The following IGSF10 variants were observed in gnomAD, a reference collection of about 807,000 sequenced individuals.
IGSF10 encodes immunoglobulin superfamily member 10.
Under a neutral mutation model 128.2 loss-of-function variants are expected in IGSF10, and 126 were observed. That is an observed-to-expected ratio of 0.98 (90% CI 0.85 to 1.14). The LOEUF (loss-of-function observed/expected upper bound fraction) is 1.14, where lower values mean the gene tolerates loss of function less well. Among genes scored for constraint, IGSF10 ranks in the 50% most tolerant of loss-of-function variants. The pLI is 0.00. For synonymous variants in IGSF10, 1,185 were observed against 1,146.2 expected, an observed-to-expected ratio of 1.03 and a Z score of -0.68; for missense variants, 3,295 against 3,149.8, an observed-to-expected ratio of 1.05 and a Z score of -1.10.
chr3:151,479,929 G>C, the IGSF10 span, among the ~76,000 whole-genome samples: 3 of 151,022 alleles, frequency 2.0e-5, no homozygotes, highest in African/African-American at 7.3e-5. Context: ...GCATTGAAGA[G>C]TTAATAATCT....
At chr3:151,480,871 A>G in the IGSF10 span, among the ~76,000 whole-genome samples, 1 of 152,056 alleles carries the variant, frequency 6.6e-6, no homozygotes, top group East Asian at 1.9e-4. Flanking sequence ...CAGCCAAGGT[A>G]TCACCCCATT....
At chr3:151,567,588 G>A in the IGSF10 span, among the ~76,000 whole-genome samples, 1 of 152,038 alleles carries the variant, frequency 6.6e-6, no homozygotes, top group Non-Finnish European at 1.5e-5. Context: ...TACCTGGGAG[G>A]GTCTCTTTTA....
the IGSF10 span, among the ~76,000 whole-genome samples, chr3:151,480,298 A>G: frequency 1.7e-3 from 252 of 152,212 alleles, no homozygotes; most frequent in African/African-American, 5.9e-3. Context: ...TTCCCTCACT[A>G]CCTCCATCTT....
At chr3:151,521,046 C>CAAATG in the IGSF10 span, among the ~76,000 whole-genome samples, 1 of 151,592 alleles carries the variant, frequency 6.6e-6, no homozygotes, top group East Asian at 1.9e-4. Flanking sequence ...ATTTACCAAG[C>CAAATG]AAATGGAAAA....
At chr3:151,463,143 C>T (rs554215839), upstream of IGSF10, among the ~76,000 whole-genome samples, 1 of 152,186 alleles carries the variant, frequency 6.6e-6, no homozygotes, top group Non-Finnish European at 1.5e-5. Context: ...GTTTGCTTCT[C>T]TTAAGAATTT....
the IGSF10 span, among the ~76,000 whole-genome samples, chr3:151,486,057 T>C: frequency 6.6e-6 from 1 of 152,132 alleles, no homozygotes; most frequent in Admixed American, 6.5e-5. Flanking sequence ...AGGAGACCCA[T>C]CTCACGTGCA....
At chr3:151,601,713 G>A in the IGSF10 span, among the ~76,000 whole-genome samples, 1 of 117,228 alleles carries the variant, frequency 8.5e-6, no homozygotes, top group Non-Finnish European at 1.9e-5. Flanking sequence ...ATAAGTTGTT[G>A]AAAAATTACA....
the IGSF10 span, among the ~76,000 whole-genome samples, chr3:151,587,309 G>C: frequency 1.3e-5 from 2 of 152,078 alleles, no homozygotes; most frequent in African/African-American, 4.8e-5. Flanking sequence ...AAACCATACT[G>C]TTTGGTGGTT....
chr3:151,499,818 G>A, the IGSF10 span: 1 of 152,018 alleles, frequency 6.6e-6, no homozygotes, highest in African/African-American at 2.4e-5. Flanking sequence ...GGCCCTGCAG[G>A]CAAAGAAATG....
At chr3:151,442,865 C>T (rs1720941129) in intron 7 of IGSF10, 119 bp downstream of exon 7, 2 of 741,184 alleles carry the variant, frequency 2.7e-6, no homozygotes, top group Non-Finnish European at 4.0e-6. Flanking sequence ...TCCTTTATGT[C>T]CAAAGTCTAT....
upstream of IGSF10, chr3:151,461,110 CGCGGCCGGGGCTCAGCAGCACAAGGAT>C (rs1722039164): frequency 6.1e-6 from 6 of 985,214 alleles, no homozygotes; most frequent in South Asian, 2.3e-4. Flanking sequence ...TGTCTGGGGA[CGCGGCCGGGGCTCAGCAGCACAAGGAT>C]GAGAAACGAC....
At chr3:151,502,867 C>T in the IGSF10 span, among the ~76,000 whole-genome samples, 5 of 152,136 alleles carry the variant, frequency 3.3e-5, no homozygotes, top group South Asian at 4.1e-4. Context: ...AAGGTGCTTT[C>T]GTCTTGAGAG....
intron 5 of IGSF10, 47 bp downstream of exon 5, chr3:151,453,337 A>G: frequency 6.8e-7 from 1 of 1,461,534 alleles, no homozygotes; most frequent in South Asian, 1.4e-5. Flanking sequence ...ACCTCCAAGC[A>G]GATTTCCTCC....
the IGSF10 span, among the ~76,000 whole-genome samples, chr3:151,491,302 C>A: frequency 6.6e-6 from 1 of 152,044 alleles, no homozygotes; most frequent in Non-Finnish European, 1.5e-5. Flanking sequence ...GTTGACCAGG[C>A]GTGGTGGCTC....
the IGSF10 span, among the ~76,000 whole-genome samples, chr3:151,588,728 C>T: frequency 6.6e-6 from 1 of 152,132 alleles, no homozygotes; most frequent in African/African-American, 2.4e-5. Context: ...AAATCTCTGC[C>T]CTAATGGGGC....
Position 151,447,962 on chromosome 3 carries a change from A to G in IGSF10, c.2019T>C (p.Asp673=), listed in dbSNP as rs1194191270. 1 of 1,614,134 alleles carries G rather than the reference A, an allele frequency of 6.2e-7. No individual in the cohort carries two copies. The highest frequency in any genetic ancestry group is 1.1e-5 in the South Asian group (1 of 91,072). ...KMKGQRPLEH[D]GETEGSGLDE... Reference sequence around the variant, plus strand: ...CAAGTCCAGATCCCTCTGTTTCTCCATCATGCTCCAAGGGCCTTTGTCCTT... The same window carrying G: ...CAAGTCCAGATCCCTCTGTTTCTCCGTCATGCTCCAAGGGCCTTTGTCCTT... The change falls in exon 6 of 8, where the codon GAT becomes GAC. Residue 673 remains aspartate (D), a synonymous_variant. Transcript: ENST00000282466.
At chr3:151,598,380 A>ATTTTTTTTTTTTTTTTTTTTTTT in the IGSF10 span, among the ~76,000 whole-genome samples, 1 of 151,910 alleles carries the variant, frequency 6.6e-6, no homozygotes, top group African/African-American at 2.4e-5. Flanking sequence ...AAAACTCTTG[A>ATTTTTTTTTTTTTTTTTTTTTTT]TTGTTTGAAT....
the IGSF10 span, among the ~76,000 whole-genome samples, chr3:151,467,612 C>T: frequency 9.2e-5 from 14 of 152,082 alleles, no homozygotes; most frequent in East Asian, 1.9e-4. Context: ...GAGCCGGGCG[C>T]GGTGGCTCAC....
chr3:151,436,144 C>T (rs1203380816), downstream of IGSF10: 1 of 152,126 alleles, frequency 6.6e-6, no homozygotes, highest in Non-Finnish European at 1.5e-5. Context: ...TTTGTATTCC[C>T]CATCAATGAA....
Sources: allele counts gnomAD v4.1 joint callset (sites outside exome capture counted in the v4.1 genomes callset), GRCh38; gene constraint gnomAD v4.1.1; transcripts MANE v1.5; gene names NCBI Gene and HGNC (gene_info 2026-07-23, HGNC 2026-07-21).